The following FOXP1 variants were observed in gnomAD, a reference collection of about 807,000 sequenced individuals.
FOXP1 encodes forkhead box P1.
A neutral mutation model predicts 98.2 loss-of-function variants in FOXP1; 15 were observed. That is an observed-to-expected ratio of 0.15 (90% CI 0.10 to 0.24). FOXP1 has a LOEUF of 0.24. Ranked by LOEUF, FOXP1 falls within the 10% of genes least tolerant of loss-of-function variation. The pLI, the probability that FOXP1 is intolerant of heterozygous loss-of-function variation, is 1.00. For synonymous variants in FOXP1, 371 were observed against 314.5 expected, an observed-to-expected ratio of 1.18 and a Z score of -1.90; for missense variants, 633 against 848.5, an observed-to-expected ratio of 0.75 and a Z score of 3.15.
intron 3 of FOXP1, among the ~76,000 whole-genome samples, chr3:71,445,562 T>C (rs2086335377): frequency 6.6e-6 from 1 of 152,200 alleles, no homozygotes; most frequent in African/African-American, 2.4e-5. Flanking sequence ...TTGAATTCCC[T>C]ATAATTCAAA....
chr3:71,288,042 G>A (rs1450927315), intron 5 of FOXP1, among the ~76,000 whole-genome samples: 3 of 151,928 alleles, frequency 2.0e-5, no homozygotes, highest in South Asian at 2.1e-4. Context: ...CACCACGCCC[G>A]GCTAATTTTG....
At chr3:71,240,668 A>G (rs948037373) in intron 5 of FOXP1, among the ~76,000 whole-genome samples, 1 of 151,688 alleles carries the variant, frequency 6.6e-6, no homozygotes, top group African/African-American at 2.4e-5. Flanking sequence ...TCAGGTCCCG[A>G]GTAGCTGGGA....
intron 3 of FOXP1, among the ~76,000 whole-genome samples, chr3:71,491,750 T>C (rs142679871): frequency 1.3e-5 from 2 of 152,318 alleles, no homozygotes; most frequent in African/African-American, 4.8e-5. Context: ...TTTGAGCCGG[T>C]TGCTTCACTA....
At chr3:71,325,053 A>T (rs1178103687) in intron 4 of FOXP1, among the ~76,000 whole-genome samples, 1 of 136,032 alleles carries the variant, frequency 7.4e-6, no homozygotes, top group African/African-American at 2.7e-5. Flanking sequence ...TAATCCCTTG[A>T]TTTTTTTTTT....
intron 3 of FOXP1, among the ~76,000 whole-genome samples, chr3:71,390,961 C>T (rs2080988911): frequency 6.6e-6 from 1 of 152,132 alleles, no homozygotes. Flanking sequence ...AAATCCTTTT[C>T]AAAGTAAAAA....
chr3:71,519,486 G>C (rs565654995), intron 2 of FOXP1, among the ~76,000 whole-genome samples: 27 of 152,216 alleles, frequency 1.8e-4, no homozygotes, highest in Admixed American at 2.0e-4. Context: ...CTAACTCTCT[G>C]ATAAGTATAT....
chr3:71,301,675 C>T (rs370225311), intron 4 of FOXP1, among the ~76,000 whole-genome samples: 22 of 152,304 alleles, frequency 1.4e-4, no homozygotes, highest in African/African-American at 4.6e-4. Context: ...GATTTGCCAT[C>T]ATATAGGCCT....
At chr3:71,225,794 A>T (rs1461911955) in intron 5 of FOXP1, among the ~76,000 whole-genome samples, 1 of 152,220 alleles carries the variant, frequency 6.6e-6, no homozygotes, top group Non-Finnish European at 1.5e-5. Context: ...AACAGTGGAG[A>T]CATGAACAGA....
chr3:70,967,461 G>A (rs1289718111), intron 19 of FOXP1, among the ~76,000 whole-genome samples: 1 of 152,096 alleles, frequency 6.6e-6, no homozygotes, highest in Non-Finnish European at 1.5e-5. Context: ...GTGTATAACT[G>A]CCTTCTTTTA....
chr3:71,313,768 G>A (rs930767968), intron 4 of FOXP1, among the ~76,000 whole-genome samples: 2 of 152,040 alleles, frequency 1.3e-5, no homozygotes, highest in East Asian at 1.9e-4. Flanking sequence ...CTCGTGATCC[G>A]CCCACCTCGG....
At chr3:71,401,444 G>C (rs2081953546) in intron 3 of FOXP1, among the ~76,000 whole-genome samples, 1 of 152,062 alleles carries the variant, frequency 6.6e-6, no homozygotes, top group South Asian at 2.1e-4. Context: ...CCCAGAAGCT[G>C]TCAGGCTAAG....
rs1401407766 is a variant in FOXP1, at chr3:70,955,334, G to C, written c.*3913C>G. 2 of 232,800 alleles carry C rather than the reference G, an allele frequency of 8.6e-6. No individual in the cohort carries two copies. The highest frequency in any genetic ancestry group is 1.7e-5 in the Non-Finnish European group (2 of 117,844). The allele number at this position is 232,800 out of a possible 1,614,324, so 14.4% of individuals were successfully genotyped here. A position where few individuals can be genotyped will look rare whatever the true frequency, so the allele number is the denominator to read the frequency against. On this transcript the variant is annotated 3_prime_UTR_variant, in exon 21 of 21. Coordinates refer to ENST00000649528, the MANE Select transcript of FOXP1 (RefSeq NM_001349338.3). The stretch of plus-strand genomic sequence containing the variant: ...GGGGATGGTGTTAGAGCTGTCCAAA[G>C]GTGGCAGGACTGGTGGTAACTCTTC...
At chr3:71,148,125 C>T (rs1449943899) in intron 6 of FOXP1, among the ~76,000 whole-genome samples, 1 of 152,124 alleles carries the variant, frequency 6.6e-6, no homozygotes, top group Non-Finnish European at 1.5e-5. Flanking sequence ...GCCTGTAATC[C>T]CAGCACTTTG....
chr3:71,130,610 T>TA (rs1040018063), intron 6 of FOXP1: 7 of 1,598,184 alleles, frequency 4.4e-6, no homozygotes, highest in East Asian at 2.2e-5. Context: ...TGCCGAGTGG[T>TA]AAAAAAGATG....
At chr3:71,413,212 G>GAC (rs1405734409) in intron 3 of FOXP1, among the ~76,000 whole-genome samples, 2 of 50,334 alleles carry the variant, frequency 4.0e-5, no homozygotes, top group South Asian at 1.4e-3. Flanking sequence ...CCCCCAAATA[G>GAC]ACACACACAC....
At chr3:71,427,242 TATA>T (rs1373487850) in intron 3 of FOXP1, among the ~76,000 whole-genome samples, 3 of 151,992 alleles carry the variant, frequency 2.0e-5, no homozygotes, top group Non-Finnish European at 4.4e-5. Flanking sequence ...CTGGCACAAA[TATA>T]GTACTCAATC....
chr3:71,088,923 T>C (rs1450340175), intron 7 of FOXP1, among the ~76,000 whole-genome samples: 1 of 152,206 alleles, frequency 6.6e-6, no homozygotes, highest in Non-Finnish European at 1.5e-5. Flanking sequence ...GTGAAGTGAA[T>C]AATACTTTGG....
chr3:71,344,807 T>TG (rs35588047), intron 4 of FOXP1, among the ~76,000 whole-genome samples: 69,051 of 151,582 alleles, frequency 0.46, 16,480 homozygotes, highest in East Asian at 0.73. Context: ...CAGTCCAGCC[T>TG]GGGGGAAAGA....
chr3:71,483,411 C>T (rs1165883314), intron 3 of FOXP1, among the ~76,000 whole-genome samples: 2 of 152,136 alleles, frequency 1.3e-5, no homozygotes, highest in African/African-American at 4.8e-5. Flanking sequence ...AACAAAGGGC[C>T]GGTCCTCGCC....
Sources: allele counts gnomAD v4.1 joint callset (sites outside exome capture counted in the v4.1 genomes callset), GRCh38; gene constraint gnomAD v4.1.1; transcripts MANE v1.5; gene names NCBI Gene and HGNC (gene_info 2026-07-23, HGNC 2026-07-21).